The following SH3RF1 variants were observed in gnomAD, a reference collection of about 807,000 sequenced individuals.
The protein encoded by SH3RF1 is SH3 domain containing ring finger 1, also known as E3 ubiquitin-protein ligase SH3RF1.
In SH3RF1, 32 loss-of-function variants were observed where a neutral mutation model predicts 74.0. The ratio of observed to expected loss-of-function variants is 0.43; its 90% confidence interval spans 0.33 to 0.58. The LOEUF is 0.58. SH3RF1 is among the 20% of genes least tolerant of loss of function. The probability of loss-of-function intolerance (pLI) is 0.05; values close to 1 mark genes in which losing one functional copy is unlikely to be tolerated. For synonymous variants in SH3RF1, 396 were observed against 439.6 expected, an observed-to-expected ratio of 0.90 and a Z score of 1.24; for missense variants, 954 against 1,130.9, an observed-to-expected ratio of 0.84 and a Z score of 2.24.
At chr4:169,170,789 A>G (rs1734315530) in intron 2 of SH3RF1, among the ~76,000 whole-genome samples, 1 of 152,148 alleles carries the variant, frequency 6.6e-6, no homozygotes, top group Non-Finnish European at 1.5e-5. Context: ...ATCTGTCTGA[A>G]ATACAACTTT....
chr4:169,131,415 C>T (rs1268156385), intron 5 of SH3RF1, among the ~76,000 whole-genome samples: 3 of 152,126 alleles, frequency 2.0e-5, no homozygotes, highest in African/African-American at 7.2e-5. Flanking sequence ...CTCACTATGT[C>T]ACACTTCTTA....
At chr4:169,109,134 T>G (rs1424288262) in intron 10 of SH3RF1, among the ~76,000 whole-genome samples, 1 of 152,194 alleles carries the variant, frequency 6.6e-6, no homozygotes, top group African/African-American at 2.4e-5. Context: ...ACTTCTAAGG[T>G]AGCAGTCAGC....
chr4:169,240,321 G>C (rs1031805509), intron 2 of SH3RF1, among the ~76,000 whole-genome samples: 2 of 151,776 alleles, frequency 1.3e-5, no homozygotes, highest in African/African-American at 4.8e-5. Context: ...TCAGCCTCCT[G>C]AGGTAGCTGG....
chr4:169,103,086 A>ATTTTTTTTTTT (rs60740517), intron 11 of SH3RF1, among the ~76,000 whole-genome samples: 64 of 87,054 alleles, frequency 7.4e-4, no homozygotes, highest in Middle Eastern at 7.0e-3. Context: ...GCGCCTGGCT[A>ATTTTTTTTTTT]TTTTTTTTTT....
At chr4:169,121,881 T>C (rs1026902404) in intron 7 of SH3RF1, among the ~76,000 whole-genome samples, 3 of 152,234 alleles carry the variant, frequency 2.0e-5, no homozygotes, top group Non-Finnish European at 4.4e-5. Context: ...GGCAGTTTCA[T>C]ACCCATATAA....
chr4:169,193,702 A>G (rs1383619136), intron 2 of SH3RF1, among the ~76,000 whole-genome samples: 1 of 152,166 alleles, frequency 6.6e-6, no homozygotes, highest in African/African-American at 2.4e-5. Flanking sequence ...AGGTCTCACC[A>G]CATAGCTCTG....
At chr4:169,105,347 G>A (rs543607217) in intron 11 of SH3RF1, among the ~76,000 whole-genome samples, 1 of 152,170 alleles carries the variant, frequency 6.6e-6, no homozygotes, top group Non-Finnish European at 1.5e-5. Flanking sequence ...AATGAATAGT[G>A]CCTCATTGTT....
chr4:169,161,217 T>A (rs1163399661), intron 2 of SH3RF1, among the ~76,000 whole-genome samples: 1 of 152,242 alleles, frequency 6.6e-6, no homozygotes, highest in Non-Finnish European at 1.5e-5. Context: ...GCCAGCTTTA[T>A]CAAAAAGCTT....
At chr4:169,161,208 C>T (rs1221628823) in intron 2 of SH3RF1, among the ~76,000 whole-genome samples, 1 of 152,148 alleles carries the variant, frequency 6.6e-6, no homozygotes, top group East Asian at 1.9e-4. Flanking sequence ...ATTCACACTG[C>T]CAGCTTTATC....
chr4:169,141,806 T>C (rs1733791678), intron 4 of SH3RF1, among the ~76,000 whole-genome samples: 1 of 150,116 alleles, frequency 6.7e-6, no homozygotes, highest in East Asian at 1.9e-4. Flanking sequence ...GCCCGCCTAA[T>C]TTTTGCTTTT....
intron 2 of SH3RF1, among the ~76,000 whole-genome samples, chr4:169,208,817 G>C (rs960700558): frequency 6.6e-6 from 1 of 152,014 alleles, no homozygotes; most frequent in African/African-American, 2.4e-5. Context: ...TAATTCAAGG[G>C]AAAGCCAAGA....
chr4:169,266,141 G>A (rs1731351044), intron 2 of SH3RF1, among the ~76,000 whole-genome samples: 1 of 152,166 alleles, frequency 6.6e-6, no homozygotes, highest in Non-Finnish European at 1.5e-5. Flanking sequence ...AATTAGGCAG[G>A]AAACACTAAA....
chr4:169,205,240 A>G (rs1458739718), intron 2 of SH3RF1, among the ~76,000 whole-genome samples: 2 of 152,246 alleles, frequency 1.3e-5, no homozygotes, highest in East Asian at 1.9e-4. Flanking sequence ...GTTAATGCCA[A>G]TAAGTCTAGC....
At chr4:169,186,384 G>T (rs1300953368) in intron 2 of SH3RF1, among the ~76,000 whole-genome samples, 4 of 151,932 alleles carry the variant, frequency 2.6e-5, no homozygotes, top group Admixed American at 6.5e-5. Context: ...GGCAGTATAG[G>T]TATCCCACTT....
chr4:169,098,288 A>T (rs767468989), intron 11 of SH3RF1, among the ~76,000 whole-genome samples: 1 of 152,260 alleles, frequency 6.6e-6, no homozygotes, highest in African/African-American at 2.4e-5. Context: ...TTTGGTTCTC[A>T]AAGTCAGAAA....
At position 169,122,125 on chromosome 4, in the gene SH3RF1, A is replaced by C. The variant is rs779554419; in HGVS notation, c.1321T>G (p.Leu441Val). 6.2e-7 allele frequency: 1 copy of C among 1,612,882 alleles called. No homozygotes were observed. The highest frequency in any genetic ancestry group is 1.7e-5 in the Admixed American group (1 of 60,024). Residue 441 changes from leucine to valine, a missense_variant, in exon 7 of 12, where the codon TTA becomes GTA. Physicochemically the swap from Leu to Val is conservative, Grantham distance 32 (BLOSUM62 1). This residue lies in a region of SH3RF1 where 854 missense variants were observed against 962.5 expected (regional missense o/e 0.89). Coordinates refer to ENST00000284637, the MANE Select transcript of SH3RF1 (RefSeq NM_020870.4). Reference protein sequence around the residue: ...MAGSTDQIAHLRPQTRPSVYV... With the variant: ...MAGSTDQIAHVRPQTRPSVYV... ...ACACTGGGGCGAGTCTGCGGCCGTA[A>C]ATGTGCAATCTGGTCAGTGGATCCT... is the stretch of plus-strand genomic sequence containing the variant.
intron 2 of SH3RF1, among the ~76,000 whole-genome samples, chr4:169,260,040 A>G (rs182211248): frequency 6.6e-6 from 1 of 152,306 alleles, no homozygotes; most frequent in East Asian, 1.9e-4. Context: ...TAATAAATGG[A>G]GTGAGCGTCT....
rs796244003 is a variant in SH3RF1 at position 169,117,589 on chromosome 4, C to G, written c.1711G>C (p.Ala571Pro). The G allele has an allele frequency of 3.1e-6, 5 of 1,614,118 alleles. No individual in the cohort carries two copies. The highest frequency in any genetic ancestry group is 1.3e-5 in the African/African-American group (1 of 74,936). ...CCCGTCATGTGCAACAAGACCTTAG[C>G]CTGAGGACTTGTCTGGATGTGAGCT... ...SAAHIQTSPQ[A>P]KVLLHMTGQM... Residue 571 changes from alanine (A) to proline (P), a missense_variant, in exon 9 of 12, where the codon GCT becomes CCT. Physicochemically the swap from Ala to Pro is conservative, Grantham distance 27. Coordinates refer to ENST00000284637, the MANE Select transcript of SH3RF1 (RefSeq NM_020870.4).
chr4:169,250,425 T>C (rs1056776754), intron 2 of SH3RF1, among the ~76,000 whole-genome samples: 6 of 152,232 alleles, frequency 3.9e-5, no homozygotes, highest in African/African-American at 1.4e-4. Context: ...ACACTTTAAT[T>C]TACTCATCTA....
Sources: allele counts gnomAD v4.1 joint callset (sites outside exome capture counted in the v4.1 genomes callset), GRCh38; gene constraint gnomAD v4.1.1; regional missense constraint gnomAD v4.1.1; transcripts MANE v1.5; gene names NCBI Gene and HGNC (gene_info 2026-07-23, HGNC 2026-07-21).